MBOAT1: variants seen among roughly 807,000 people sequenced by gnomAD.
The protein encoded by MBOAT1 is membrane bound glycerophospholipid O-acyltransferase 1, also known as membrane-bound glycerophospholipid O-acyltransferase 1.
In MBOAT1, 67 loss-of-function variants were observed where a neutral mutation model predicts 64.4. The ratio of observed to expected loss-of-function variants is 1.04; its 90% CI spans 0.85 to 1.27. MBOAT1 has a LOEUF of 1.27. Among genes scored for constraint, MBOAT1 ranks in the 50% most tolerant of loss-of-function variants. The pLI is 0.00. For missense variants in MBOAT1, 563 were observed against 604.6 expected (o/e 0.93, Z 0.72); for synonymous variants, 229 against 218.9 (o/e 1.05, Z -0.41).
intron 1 of MBOAT1, among the ~76,000 whole-genome samples, chr6:20,194,137 C>T (rs181885293): frequency 1.3e-5 from 2 of 150,332 alleles, no homozygotes; most frequent in Admixed American, 6.6e-5. Flanking sequence ...AAAAAAAGCA[C>T]GCATTTTTAA....
At chr6:20,162,653 C>T (rs1048499340) in intron 1 of MBOAT1, among the ~76,000 whole-genome samples, 10 of 152,206 alleles carry the variant, frequency 6.6e-5, no homozygotes, top group Non-Finnish European at 2.9e-5. Flanking sequence ...TCTCGATGTG[C>T]TACTGAGAAA....
At chr6:20,168,980 C>T (rs1762116337) in intron 1 of MBOAT1, among the ~76,000 whole-genome samples, 1 of 151,954 alleles carries the variant, frequency 6.6e-6, no homozygotes, top group Non-Finnish European at 1.5e-5. Context: ...GAACAGATTC[C>T]CAAGTAACAT....
intron 4 of MBOAT1, among the ~76,000 whole-genome samples, chr6:20,135,671 A>T (rs1364774299): frequency 6.6e-6 from 1 of 152,192 alleles, no homozygotes; most frequent in Non-Finnish European, 1.5e-5. Flanking sequence ...GCTGGCCAGC[A>T]TCAAGATGAA....
In MBOAT1 at chr6:20,101,659, G is replaced by C. The variant is rs368038611; in HGVS notation, c.*627C>G. 3.3e-5 allele frequency among the ~76,000 whole-genome samples: 5 copies of C among 152,166 alleles called. No individual in the cohort carries two copies. The highest frequency in any genetic ancestry group is 3.9e-4 in the East Asian group (2 of 5,184). On this transcript the variant is annotated 3_prime_UTR_variant, in exon 13 of 13. Coordinates refer to ENST00000324607, the MANE Select transcript of MBOAT1 (RefSeq NM_001080480.3). ...GGTTCCCAGCATCCAGGTCACAGTA[G>C]CTGGAAATCATGCAGGAAGGGCAAA...
intron 1 of MBOAT1, among the ~76,000 whole-genome samples, chr6:20,188,953 A>G (rs1762730273): frequency 6.6e-6 from 1 of 151,718 alleles, no homozygotes; most frequent in Non-Finnish European, 1.5e-5. Context: ...TTCCTTTCCC[A>G]CCTCTCAGTT....
chr6:20,204,199 C>A (rs1209226999), intron 1 of MBOAT1, among the ~76,000 whole-genome samples: 1 of 152,200 alleles, frequency 6.6e-6, no homozygotes. Flanking sequence ...AGTAGCTGCT[C>A]CCAGGAAGTT....
intron 4 of MBOAT1, among the ~76,000 whole-genome samples, chr6:20,141,359 CTTTTTTTT>C (rs755615744): frequency 7.6e-4 from 76 of 99,836 alleles, no homozygotes; most frequent in Non-Finnish European, 1.3e-3. Flanking sequence ...TTTTCTTTTT[CTTTTTTTT>C]TTTTTTTTTT....
At chr6:20,204,113 T>C (rs1487053139) in intron 1 of MBOAT1, among the ~76,000 whole-genome samples, 1 of 152,180 alleles carries the variant, frequency 6.6e-6, no homozygotes, top group Admixed American at 6.5e-5. Context: ...AGAATGAGAC[T>C]CTCTTCTCTT....
At position 20,119,996 on chromosome 6, in the gene MBOAT1, T is replaced by C. The variant is rs533508354; in HGVS notation, c.908-1456A>G. On this transcript the variant is annotated intron_variant, in intron 8 of 12. Coordinates refer to ENST00000324607, the MANE Select transcript of MBOAT1 (RefSeq NM_001080480.3). ...TAATGATAACTATCTTTTCTGTGTGTGTGTGTGTGCGTGTGTGTGTGTGTG... is the reference window on the plus strand; with the variant it reads ...TAATGATAACTATCTTTTCTGTGTGCGTGTGTGTGCGTGTGTGTGTGTGTG... Among the ~76,000 whole-genome samples, 647 of 93,840 alleles carry C rather than the reference T, an allele frequency of 6.9e-3. 4 individuals carry two copies. The highest frequency in any genetic ancestry group is 0.024 in the African/African-American group (606 of 25,164). 61.6% of individuals were successfully genotyped at this position (93,840 alleles called of 152,430 possible).
At chr6:20,110,239 C>A (rs1214513100) in intron 11 of MBOAT1, among the ~76,000 whole-genome samples, 1 of 137,478 alleles carries the variant, frequency 7.3e-6, no homozygotes, top group Admixed American at 7.7e-5. Context: ...TTAAATAAGA[C>A]TCTTGCTCTG....
At chr6:20,118,903 G>A (rs1001594154) in intron 8 of MBOAT1, among the ~76,000 whole-genome samples, 8 of 152,172 alleles carry the variant, frequency 5.3e-5, no homozygotes, top group African/African-American at 1.7e-4. Flanking sequence ...AGAAAAGAAA[G>A]GTGGTAAGAA....
chr6:20,120,530 G>A (rs556797219), intron 8 of MBOAT1, among the ~76,000 whole-genome samples: 1 of 152,206 alleles, frequency 6.6e-6, no homozygotes, highest in South Asian at 2.1e-4. Flanking sequence ...TTAGCCAGGT[G>A]TGGTGGCGGG....
chr6:20,143,585 C>G (rs945330681), intron 4 of MBOAT1, among the ~76,000 whole-genome samples: 4 of 152,108 alleles, frequency 2.6e-5, no homozygotes, highest in African/African-American at 9.7e-5. Flanking sequence ...GAAAGAACCA[C>G]AGACCTGGAG....
Position 20,100,270 on chromosome 6 carries a change from C to T in MBOAT1, c.*2016G>A, listed in dbSNP as rs941966573. 1.3e-4 allele frequency among the ~76,000 whole-genome samples: 20 copies of T among 152,186 alleles called. No individual in the cohort carries two copies. The highest frequency in any genetic ancestry group is 4.8e-4 in the African/African-American group (20 of 41,448). On this transcript the variant is annotated 3_prime_UTR_variant, in exon 13 of 13. Transcript: ENST00000324607. ...CACTGTAATATGATTATTCCACATA[C>T]TCCACACCAATGGTAATATTTACCA...
intron 1 of MBOAT1, among the ~76,000 whole-genome samples, chr6:20,177,143 A>G (rs538088863): frequency 1.3e-5 from 2 of 152,338 alleles, no homozygotes; most frequent in East Asian, 1.9e-4. Context: ...TGGTGTTTCA[A>G]CAATTAAACA....
At chr6:20,131,779 A>C (rs962243849) in intron 4 of MBOAT1, among the ~76,000 whole-genome samples, 13 of 152,208 alleles carry the variant, frequency 8.5e-5, no homozygotes, top group African/African-American at 2.9e-4. Context: ...ACACTGAATA[A>C]GAAGATCACA....
intron 12 of MBOAT1, among the ~76,000 whole-genome samples, chr6:20,104,915 G>C (rs1392067780): frequency 1.3e-5 from 2 of 152,204 alleles, no homozygotes; most frequent in Non-Finnish European, 2.9e-5. Context: ...AAAGGCATCA[G>C]CCTCCACCCC....
intron 1 of MBOAT1, among the ~76,000 whole-genome samples, chr6:20,184,308 A>G (rs1762588331): frequency 1.3e-5 from 2 of 152,154 alleles, no homozygotes; most frequent in African/African-American, 2.4e-5. Flanking sequence ...CAAGGTTGGT[A>G]AAACCCCTAG....
chr6:20,155,151 G>A (rs183067342), intron 1 of MBOAT1, among the ~76,000 whole-genome samples: 1 of 152,322 alleles, frequency 6.6e-6, no homozygotes, highest in East Asian at 1.9e-4. Context: ...TGGTTCTCAC[G>A]AGTGTAGTCC....
Sources: gnomAD v4.1 joint callset for allele counts (sites outside exome capture counted in the v4.1 genomes callset) on GRCh38, gnomAD v4.1.1 for gene constraint, MANE v1.5 for transcripts, NCBI Gene and HGNC (gene_info 2026-07-23, HGNC 2026-07-21) for gene names.